The following GPSM2 variants were observed in gnomAD, a reference collection of about 807,000 sequenced individuals.
The protein encoded by GPSM2 is G protein-signaling modulator 2.
Under a neutral mutation model 78.4 loss-of-function variants are expected in GPSM2, and 58 were observed. That is an observed-to-expected ratio of 0.74 (90% CI 0.60 to 0.92). The LOEUF is 0.92. GPSM2 is among the 40% of genes least tolerant of loss of function. The pLI, the probability that GPSM2 is intolerant of heterozygous loss-of-function variation, is 0.00. For missense variants in GPSM2, 700 were observed against 815.5 expected (o/e 0.86, Z 1.73); for synonymous variants, 224 against 280.2 (o/e 0.80, Z 2.00).
Position 108,914,393 on chromosome 1 carries a change from G to GT in GPSM2, c.1250dup (p.Leu417PhefsTer12). Reference sequence around the variant, plus strand: ...GTATGGAAAATATGGAACTTATGAAGTTAACACCAGAAAAGGTGGGTGGCA... The same window carrying GT: ...GTATGGAAAATATGGAACTTATGAAGTTTAACACCAGAAAAGGTGGGTGGCA... On this transcript the variant is annotated frameshift_variant, in exon 11 of 15. Coordinates refer to ENST00000264126, the MANE Select transcript of GPSM2 (RefSeq NM_013296.5). LOFTEE classifies it high-confidence loss of function. 1 of 1,609,244 alleles carries GT rather than the reference G, an allele frequency of 6.2e-7. No individual in the cohort carries two copies. The highest frequency in any genetic ancestry group is 8.5e-7 in the Non-Finnish European group (1 of 1,175,966).
rs1298462586 is a variant in GPSM2, at chr1:108,933,167, C to G, written c.*3227C>G. ...CACCTGGCCTAAAATTACATTGTTA[C>G]AGGCACGTAAGTAACACTTCCTGGA... On this transcript the variant is annotated 3_prime_UTR_variant, in exon 15 of 15. Transcript: ENST00000264126. The G allele has an allele frequency of 1.4e-5, 2 of 138,330 alleles. No individual in the cohort carries two copies. The highest frequency in any genetic ancestry group is 5.4e-5 in the African/African-American group (2 of 36,712). 8.6% of individuals were successfully genotyped at this position (138,330 alleles called of 1,614,324 possible).
intron 12 of GPSM2, among the ~76,000 whole-genome samples, chr1:108,921,105 C>G (rs1293797040): frequency 6.6e-6 from 1 of 152,114 alleles, no homozygotes; most frequent in East Asian, 1.9e-4. Flanking sequence ...CTAACCACAT[C>G]AAATCCACTG....
intron 12 of GPSM2, among the ~76,000 whole-genome samples, 190 bp from the exon 13 acceptor site, chr1:108,922,227 T>G (rs1650767396): frequency 1.3e-5 from 2 of 152,334 alleles, no homozygotes; most frequent in South Asian, 4.1e-4. Flanking sequence ...AATTAAAAAA[T>G]GAAGTGCTTT....
Position 108,923,990 on chromosome 1 carries a change from C to A in GPSM2, c.1601-10C>A. The A allele has an allele frequency of 6.4e-7, 1 of 1,556,864 alleles. No individual in the cohort carries two copies. On this transcript the variant is annotated splice_polypyrimidine_tract_variant and intron_variant, in intron 13 of 14. Coordinates refer to ENST00000264126, the MANE Select transcript of GPSM2 (RefSeq NM_013296.5). ...TTTTTTAATCTTTGGCTTTCTTCTT[C>A]TGTTCTTAGCATCATCTGTTCCTGT...
chr1:108,885,226 T>C, intron 1 of GPSM2, 49 bp from the exon 2 acceptor site: 1 of 296,332 alleles, frequency 3.4e-6, no homozygotes, highest in East Asian at 7.1e-5. Context: ...CTGTAGGTTG[T>C]TCTTTGAAAA....
chr1:108,903,714 G>C (rs1310472614), intron 9 of GPSM2, among the ~76,000 whole-genome samples: 1 of 152,078 alleles, frequency 6.6e-6, no homozygotes, highest in Non-Finnish European at 1.5e-5. Flanking sequence ...AAAGTGCCTA[G>C]CAAAATGTCT....
At chr1:108,879,004 A>G (rs989260595) in intron 1 of GPSM2, among the ~76,000 whole-genome samples, 1 of 152,208 alleles carries the variant, frequency 6.6e-6, no homozygotes, top group South Asian at 2.1e-4. Context: ...ATTTGTAGGG[A>G]CAAGTTCTAC....
chr1:108,897,283 TAAA>T (rs1648440060), intron 3 of GPSM2, among the ~76,000 whole-genome samples, 198 bp downstream of exon 3: 1 of 152,214 alleles, frequency 6.6e-6, no homozygotes, highest in Non-Finnish European at 1.5e-5. Flanking sequence ...AGAGTTTAAT[TAAA>T]TGGATGAAAA....
chr1:108,917,210 C>T (rs1650295725), intron 11 of GPSM2, among the ~76,000 whole-genome samples: 1 of 152,014 alleles, frequency 6.6e-6, no homozygotes. Flanking sequence ...AAATAATTTC[C>T]CCTTATAACC....
intron 2 of GPSM2, among the ~76,000 whole-genome samples, chr1:108,890,650 ATTC>A (rs2101359422): frequency 6.6e-6 from 1 of 152,314 alleles, no homozygotes; most frequent in East Asian, 1.9e-4. Flanking sequence ...GGTATAAGTT[ATTC>A]TTCTGCTATA....
At chr1:108,887,698 T>C (rs967578612) in intron 2 of GPSM2, among the ~76,000 whole-genome samples, 2 of 152,210 alleles carry the variant, frequency 1.3e-5, no homozygotes, top group Non-Finnish European at 2.9e-5. Flanking sequence ...CTAGATGGGC[T>C]GCTTAGGTCA....
chr1:108,903,137 G>A lies in GPSM2; in HGVS notation c.965G>A (p.Gly322Glu). 1.3e-6 allele frequency: 2 copies of A among 1,594,456 alleles called. No homozygotes were observed. Among genetic ancestry groups the A allele is most frequent in the Non-Finnish European group, 1.7e-6 (2 of 1,162,310 alleles). ...AQELNDRIGEGRACWSLGNAY... is the reference protein window; with the variant it reads ...AQELNDRIGEERACWSLGNAY... Reference sequence around the variant, plus strand: ...GAATAACGTTTTAGAATTGGTGAAGGAAGAGCATGTTGGAGCTTAGGAAAT... The same window carrying A: ...GAATAACGTTTTAGAATTGGTGAAGAAAGAGCATGTTGGAGCTTAGGAAAT... Residue 322 changes from glycine to glutamate, a missense_variant, in exon 9 of 15, where the codon GGA (glycine) becomes GAA (glutamate). Gly to Glu is a moderately conservative substitution (Grantham distance 98). Transcript: ENST00000264126.
Position 108,934,358 on chromosome 1 carries a change from C to T in GPSM2, c.*4418C>T. 2 of 300,052 alleles carry T rather than the reference C, an allele frequency of 6.7e-6. No individual in the cohort carries two copies. Among genetic ancestry groups the T allele is most frequent in the Non-Finnish European group, 1.2e-5 (2 of 162,326 alleles). The allele number at this position is 300,052 out of a possible 1,614,324, so 18.6% of individuals were successfully genotyped here. On this transcript the variant is annotated 3_prime_UTR_variant, in exon 15 of 15. Transcript: ENST00000264126. ...AACAATAAAATTTCTTTTTCAATGTCCCCAATTCAAACTGGCCTCCTTAAC... is the reference window on the plus strand; with the variant it reads ...AACAATAAAATTTCTTTTTCAATGTTCCCAATTCAAACTGGCCTCCTTAAC...
Position 108,897,989 on chromosome 1 carries a change from G to A in GPSM2, c.445G>A (p.Gly149Arg). The change falls in exon 5 of 15, where the codon GGG becomes AGG. Residue 149 changes from glycine to arginine, a missense_variant. Physicochemically the swap from Gly to Arg is moderately radical, Grantham distance 125. Transcript: ENST00000264126. ...VGEARALYNLGNVYHAKGKSF... is the reference protein window; with the variant it reads ...VGEARALYNLRNVYHAKGKSF... ...AGAAGCAAGAGCACTTTACAATCTT[G>A]GGAATGTGTATCATGCCAAAGGGAA... 1 of 1,613,944 alleles carries A rather than the reference G, an allele frequency of 6.2e-7. No individual in the cohort carries two copies.
At chr1:108,917,623 T>C (rs1343620306) in intron 11 of GPSM2, among the ~76,000 whole-genome samples, 1,174 of 9,336 alleles carry the variant, frequency 0.13, 11 homozygotes, top group Non-Finnish European at 0.15. Context: ...TATATATATA[T>C]ATATATATAT....
At chr1:108,877,731 A>T (rs1305916996) in intron 1 of GPSM2, 3 of 152,194 alleles carry the variant, frequency 2.0e-5, no homozygotes, top group African/African-American at 7.2e-5. Context: ...TTTGGGCACC[A>T]ACTGGTCGAT....
chr1:108,916,788 A>T (rs955550799), intron 11 of GPSM2, among the ~76,000 whole-genome samples: 13 of 152,206 alleles, frequency 8.5e-5, no homozygotes, highest in African/African-American at 3.1e-4. Context: ...TCTTTTCCTC[A>T]TAATAAAGCT....
chr1:108,934,474 G>A lies in GPSM2; in HGVS notation c.*4534G>A, dbSNP rs924041967. The A allele has an allele frequency of 1.8e-6, 1 of 562,196 alleles. No individual in the cohort carries two copies. 34.8% of individuals were successfully genotyped at this position (562,196 alleles called of 1,614,324 possible). On this transcript the variant is annotated 3_prime_UTR_variant, in exon 15 of 15. Coordinates refer to ENST00000264126, the MANE Select transcript of GPSM2 (RefSeq NM_013296.5). ...GTAAATATCAAAGAGAAGATGAAATGAAAAGCTTTTACATATATAACGTGT... is the reference window on the plus strand; with the variant it reads ...GTAAATATCAAAGAGAAGATGAAATAAAAAGCTTTTACATATATAACGTGT...
At chr1:108,900,894 T>C (rs1268870971) in intron 7 of GPSM2, among the ~76,000 whole-genome samples, 2 of 151,726 alleles carry the variant, frequency 1.3e-5, no homozygotes, top group African/African-American at 4.9e-5. Context: ...TAATTTGTCA[T>C]ATAGTTATAA....
Sources: gnomAD v4.1 joint callset for allele counts (sites outside exome capture counted in the v4.1 genomes callset) on GRCh38, gnomAD v4.1.1 for gene constraint, MANE v1.5 for transcripts, NCBI Gene and HGNC (gene_info 2026-07-23, HGNC 2026-07-21) for gene names.